Variants in NUDC observed in about 807,000 individuals in gnomAD.
NUDC encodes the protein nuclear distribution C, dynein complex regulator.
NUDC carries 14 observed loss-of-function variants against 45.0 expected under a neutral mutation model. The ratio of observed to expected loss-of-function variants is 0.31; its 90% confidence interval spans 0.21 to 0.49. The LOEUF is 0.49. NUDC is among the 20% of genes least tolerant of loss of function. NUDC has a pLI of 0.99. For synonymous variants in NUDC, 153 were observed against 156.7 expected (o/e 0.98, Z 0.17); for missense variants, 323 against 426.2 (o/e 0.76, Z 2.13).
chr1:26,901,474 G>A (rs1305431084), intron 1 of NUDC, among the ~76,000 whole-genome samples: 3 of 144,678 alleles, frequency 2.1e-5, no homozygotes, highest in African/African-American at 7.8e-5. Context: ...GTGCGATCTC[G>A]GCTCACTGCA....
rs1450323519 is a variant in NUDC, at chr1:26,904,682, A to T, written c.-16+2316A>T. Among the ~76,000 whole-genome samples, 3 of 152,136 alleles carry T rather than the reference A, an allele frequency of 2.0e-5. No individual in the cohort carries two copies. The East Asian group carries it at 5.8e-4, about 29-fold the overall frequency. On this transcript the variant is annotated intron_variant, in intron 2 of 6. Coordinates refer to the NUDC transcript ENST00000435827. ...AGCTCAAATCCTGATTCTGTCACTT[A>T]TTAACTGTGTAACCTCGAGCACTTT... is the stretch of plus-strand genomic sequence containing the variant.
At position 26,922,196 on chromosome 1, in the gene NUDC, CA is replaced by C. The variant is rs1008480791; in HGVS notation, c.81+268del. The C allele has an allele frequency of 4.7e-5, 26 of 549,898 alleles. No homozygotes were observed. The Admixed American group carries it at 6.3e-4, about 13-fold the overall frequency. 34.1% of individuals were successfully genotyped at this position (549,898 alleles called of 1,614,324 possible). On this transcript the variant is annotated intron_variant, in intron 1 of 8. Coordinates refer to ENST00000321265, the MANE Select transcript of NUDC (RefSeq NM_006600.4). ...CCCCCTTTAGTTTCACATATGCCCC[CA>C]CCCCCGTTTCCACTTTGATGGCGGC...
At chr1:26,937,781 T>C (rs1557679224) in intron 2 of NUDC, among the ~76,000 whole-genome samples, 1 of 151,646 alleles carries the variant, frequency 6.6e-6, no homozygotes, top group Non-Finnish European at 1.5e-5. Flanking sequence ...GTCTCTCGAG[T>C]AGCTGGAACT....
intron 3 of NUDC, among the ~76,000 whole-genome samples, chr1:26,916,398 C>T (rs894248759): frequency 6.6e-6 from 1 of 151,626 alleles, no homozygotes; most frequent in African/African-American, 2.4e-5. Flanking sequence ...TAAAAAAAAA[C>T]GAAAAAACCC....
chr1:26,906,843 C>T (rs548470797), intron 2 of NUDC, among the ~76,000 whole-genome samples: 5 of 151,418 alleles, frequency 3.3e-5, no homozygotes, highest in East Asian at 1.9e-4. Flanking sequence ...AGCAAGACTC[C>T]GTCTCAAAAA....
At chr1:26,944,085 A>G (rs976895824) in intron 6 of NUDC, among the ~76,000 whole-genome samples, 10 of 151,812 alleles carry the variant, frequency 6.6e-5, no homozygotes, top group South Asian at 4.2e-4. Flanking sequence ...TAGTAGAGAC[A>G]GGGTTTCACC....
chr1:26,901,298 C>T (rs759648433), intron 1 of NUDC, among the ~76,000 whole-genome samples: 2 of 151,888 alleles, frequency 1.3e-5, no homozygotes, highest in Non-Finnish European at 1.5e-5. Context: ...ACTGCATTGC[C>T]CAGGCTGGTA....
At chr1:26,909,579 T>G (rs1457013066) in intron 2 of NUDC, among the ~76,000 whole-genome samples, 1 of 152,126 alleles carries the variant, frequency 6.6e-6, no homozygotes, top group African/African-American at 2.4e-5. Context: ...GCTTGAGGAT[T>G]CAGAGAGATG....
chr1:26,943,662 T>C (rs2082296724), intron 6 of NUDC, among the ~76,000 whole-genome samples: 1 of 152,230 alleles, frequency 6.6e-6, no homozygotes, highest in South Asian at 2.1e-4. Flanking sequence ...CCTGGTACTG[T>C]TCTTGTTCTA....
At chr1:26,933,356 A>G (rs1029724250) in intron 2 of NUDC, among the ~76,000 whole-genome samples, 1 of 152,022 alleles carries the variant, frequency 6.6e-6, no homozygotes, top group Admixed American at 6.6e-5. Context: ...TCTATTTTCA[A>G]TTCTTGCAGG....
intron 3 of NUDC, among the ~76,000 whole-genome samples, chr1:26,912,414 G>A (rs1198871486): frequency 1.3e-5 from 2 of 152,064 alleles, no homozygotes; most frequent in African/African-American, 4.8e-5. Flanking sequence ...TCTGTAAAAC[G>A]GGAATAATAA....
Position 26,942,679 on chromosome 1 carries a change from A to C in NUDC, c.449A>C (p.Glu150Ala). The C allele has an allele frequency of 6.2e-7, 1 of 1,614,184 alleles. No individual in the cohort carries two copies. Among genetic ancestry groups the C allele is most frequent in the Non-Finnish European group, 8.5e-7 (1 of 1,180,030 alleles). The change falls in exon 5 of 9, where the codon GAG becomes GCG. Residue 150 changes from glutamate (E) to alanine (A), a missense_variant. This residue lies in a region of NUDC where 245 missense variants were observed against 278.8 expected (regional missense o/e 0.88). Transcript: ENST00000321265. ...AAGCAGGATACTGAGGAAGATGAGGAGGAAGATGAGAAGGACAAAGGAAAA... is the reference window on the plus strand; with the variant it reads ...AAGCAGGATACTGAGGAAGATGAGGCGGAAGATGAGAAGGACAAAGGAAAA... ...PGKQDTEEDE[E>A]EDEKDKGKLK...
chr1:26,913,264 G>A, intron 3 of NUDC: 1 of 780,242 alleles, frequency 1.3e-6, no homozygotes, highest in Non-Finnish European at 2.2e-6. Flanking sequence ...TCCAGACTGG[G>A]TGACAGAGTG....
At chr1:26,941,690 T>A in intron 3 of NUDC, 30 bp downstream of exon 3, 1 of 1,613,322 alleles carries the variant, frequency 6.2e-7, no homozygotes, top group Non-Finnish European at 8.5e-7. Context: ...TCTCCACCCC[T>A]CAGATCCCCC....
intron 2 of NUDC, among the ~76,000 whole-genome samples, chr1:26,929,185 G>A (rs2082158315): frequency 6.6e-6 from 1 of 152,220 alleles, no homozygotes; most frequent in Non-Finnish European, 1.5e-5. Context: ...TTGATCCTTT[G>A]TATCCGTGGG....
intron 2 of NUDC, among the ~76,000 whole-genome samples, chr1:26,928,621 T>G (rs1323986345): frequency 2.0e-5 from 3 of 152,110 alleles, no homozygotes; most frequent in Non-Finnish European, 4.4e-5. Flanking sequence ...TGCTTGAGCC[T>G]GGGAGGTTGA....
At chr1:26,913,579 A>G (rs767851905) in intron 3 of NUDC, 12 of 1,614,006 alleles carry the variant, frequency 7.4e-6, no homozygotes, top group Non-Finnish European at 1.0e-5. Flanking sequence ...CTCCAGCAGA[A>G]TCTTCTTGAG....
At chr1:26,921,653 G>A (rs1236558538), upstream of NUDC, 1 of 632,762 alleles carries the variant, frequency 1.6e-6, no homozygotes, top group Non-Finnish European at 2.8e-6. Flanking sequence ...TTGCCGCACG[G>A]TCAATGGCCG....
intron 2 of NUDC, among the ~76,000 whole-genome samples, chr1:26,928,190 G>A (rs2082149716): frequency 6.6e-6 from 1 of 152,142 alleles, no homozygotes; most frequent in Admixed American, 6.6e-5. Flanking sequence ...TGTGTCTATT[G>A]TGGTAATTCA....
Sources: gnomAD v4.1 joint callset for allele counts (sites outside exome capture counted in the v4.1 genomes callset) on GRCh38, gnomAD v4.1.1 for gene constraint, gnomAD v4.1.1 regional missense constraint, MANE v1.5 for transcripts, NCBI Gene and HGNC (gene_info 2026-07-23, HGNC 2026-07-21) for gene names.